PDE11A: variants seen among roughly 807,000 people sequenced by gnomAD.
PDE11A encodes dual 3',5'-cyclic-AMP and -GMP phosphodiesterase 11A.
PDE11A carries 100 observed loss-of-function variants against 100.5 expected under a neutral mutation model. The observed-to-expected ratio is 1.00, with a 90% CI of 0.85 to 1.18. The LOEUF (loss-of-function observed/expected upper bound fraction) is 1.18. PDE11A is among the 50% of genes most tolerant of loss of function. The pLI is 0.00. For missense variants in PDE11A, 1,141 were observed against 1,152.6 expected (o/e 0.99, Z 0.15); for synonymous variants, 381 against 420.8 (o/e 0.91, Z 1.16).
chr2:178,050,634 A>G (rs1434287463), intron 1 of PDE11A, among the ~76,000 whole-genome samples: 2 of 152,250 alleles, frequency 1.3e-5, no homozygotes, highest in African/African-American at 4.8e-5. Context: ...ATGGCTAAAT[A>G]GAATAAACAG....
At chr2:177,679,950 GA>G (rs1016603191) in intron 16 of PDE11A, among the ~76,000 whole-genome samples, 3 of 151,982 alleles carry the variant, frequency 2.0e-5, no homozygotes, top group African/African-American at 7.2e-5. Context: ...AAGCATAGAG[GA>G]AAAAAACTAG....
At chr2:177,667,475 A>T (rs993972161) in intron 18 of PDE11A, among the ~76,000 whole-genome samples, 1 of 152,160 alleles carries the variant, frequency 6.6e-6, no homozygotes, top group Non-Finnish European at 1.5e-5. Context: ...GTGGATATGC[A>T]GTTGTCCTTG....
At chr2:177,754,853 C>T (rs976704700) in intron 10 of PDE11A, among the ~76,000 whole-genome samples, 4 of 152,172 alleles carry the variant, frequency 2.6e-5, no homozygotes, top group Admixed American at 6.5e-5. Context: ...GAAGGAATGT[C>T]CTTCTACTAA....
In PDE11A at chr2:178,079,947, T is replaced by C. The variant is rs578113244; in HGVS notation, c.162+24355A>G. On this transcript the variant is annotated intron_variant, in intron 2 of 20. Transcript: ENST00000358450. Reference sequence around the variant, plus strand: ...TTTGTTGGGCACATGAATGTCTTCTTTTGAGAAGTGTCTGTTCATGTCCTT... The same window carrying C: ...TTTGTTGGGCACATGAATGTCTTCTCTTGAGAAGTGTCTGTTCATGTCCTT... 2.0e-5 allele frequency among the ~76,000 whole-genome samples: 3 copies of C among 152,348 alleles called. No homozygotes were observed. In the South Asian group the frequency reaches 6.2e-4, roughly 32 times the overall value.
chr2:177,854,329 A>T (rs2083790731), intron 5 of PDE11A, among the ~76,000 whole-genome samples: 1 of 152,052 alleles, frequency 6.6e-6, no homozygotes. Context: ...AAAAGAAAAG[A>T]TGGAAATTAC....
chr2:177,793,470 A>T (rs10202536), intron 9 of PDE11A, among the ~76,000 whole-genome samples: 33,976 of 148,828 alleles, frequency 0.23, 4,451 homozygotes, highest in East Asian at 0.35. Flanking sequence ...GTGGGAGGGA[A>T]AACAGTGGCT....
At chr2:177,714,590 G>A (rs772987634) in intron 12 of PDE11A, among the ~76,000 whole-genome samples, 2 of 152,240 alleles carry the variant, frequency 1.3e-5, no homozygotes, top group African/African-American at 2.4e-5. Context: ...CACTGGCGAC[G>A]TCTAGCAGCG....
At chr2:177,745,516 C>T (rs73030338) in intron 10 of PDE11A, among the ~76,000 whole-genome samples, 1 of 152,118 alleles carries the variant, frequency 6.6e-6, no homozygotes, top group Non-Finnish European at 1.5e-5. Context: ...TAAACATTCC[C>T]CAGGTGATGC....
chr2:177,785,839 C>T (rs922366403), intron 9 of PDE11A, among the ~76,000 whole-genome samples: 41 of 152,120 alleles, frequency 2.7e-4, no homozygotes, highest in African/African-American at 3.6e-4. Context: ...GGGGGAGGGG[C>T]GCCCACCATT....
At chr2:178,053,929 T>C (rs1356882891) in intron 1 of PDE11A, among the ~76,000 whole-genome samples, 1 of 152,122 alleles carries the variant, frequency 6.6e-6, no homozygotes. Context: ...AAAATGGCCA[T>C]ACTGCCCAAA....
intron 6 of PDE11A, among the ~76,000 whole-genome samples, chr2:177,826,623 T>C (rs1485375684): frequency 6.6e-6 from 1 of 152,230 alleles, no homozygotes; most frequent in Non-Finnish European, 1.5e-5. Flanking sequence ...AAATAAATGA[T>C]TGTGCTTGGA....
intron 1 of PDE11A, among the ~76,000 whole-genome samples, chr2:178,027,611 C>T (rs900598947): frequency 2.6e-5 from 4 of 152,112 alleles, no homozygotes; most frequent in African/African-American, 4.8e-5. Context: ...ATCCAAATGG[C>T]CCCGGCTGTT....
intron 18 of PDE11A, among the ~76,000 whole-genome samples, chr2:177,666,194 T>C (rs1204815159): frequency 6.6e-6 from 1 of 152,228 alleles, no homozygotes; most frequent in Non-Finnish European, 1.5e-5. Flanking sequence ...CTTTTGTGAC[T>C]TGGCCTCTTT....
At chr2:178,059,995 A>G (rs1351706920) in intron 1 of PDE11A, among the ~76,000 whole-genome samples, 5 of 152,234 alleles carry the variant, frequency 3.3e-5, no homozygotes, top group African/African-American at 1.2e-4. Context: ...GTCTAGAAAG[A>G]CATTGAAATA....
chr2:177,864,391 C>T (rs772582870), intron 5 of PDE11A, among the ~76,000 whole-genome samples: 5 of 152,106 alleles, frequency 3.3e-5, no homozygotes, highest in Non-Finnish European at 5.9e-5. Flanking sequence ...TGTGAGATGA[C>T]GGCTATGTTA....
chr2:178,080,637 ATAAT>A (rs1179638734), intron 2 of PDE11A, among the ~76,000 whole-genome samples: 1 of 152,190 alleles, frequency 6.6e-6, no homozygotes, highest in African/African-American at 2.4e-5. Context: ...TAAATCAAAA[ATAAT>A]TAATCATTCC....
At chr2:177,961,800 C>T (rs775394259) in intron 2 of PDE11A, among the ~76,000 whole-genome samples, 7 of 151,924 alleles carry the variant, frequency 4.6e-5, no homozygotes, top group South Asian at 4.2e-4. Flanking sequence ...CTATGTAGGC[C>T]GGGCATAGTG....
intron 5 of PDE11A, among the ~76,000 whole-genome samples, chr2:177,863,892 T>C (rs1220766814): frequency 6.6e-6 from 1 of 152,126 alleles, no homozygotes; most frequent in African/African-American, 2.4e-5. Context: ...TACTTTCTCA[T>C]ATTCATTGCA....
chr2:177,737,101 ATGATGGCACATGCC>A (rs1278098085), intron 10 of PDE11A, among the ~76,000 whole-genome samples: 1 of 151,762 alleles, frequency 6.6e-6, no homozygotes, highest in Non-Finnish European at 1.5e-5. Context: ...TTAGCTGGGC[ATGATGGCACATGCC>A]TGTAATCCCA....
Sources: allele counts gnomAD v4.1 joint callset (sites outside exome capture counted in the v4.1 genomes callset), GRCh38; gene constraint gnomAD v4.1.1; transcripts MANE v1.5; gene names NCBI Gene and HGNC (gene_info 2026-07-23, HGNC 2026-07-21).